The following DNER variants were observed in gnomAD, a reference collection of about 807,000 sequenced individuals.
DNER encodes the protein delta and Notch-like epidermal growth factor-related receptor.
In DNER, 33 loss-of-function variants were observed where a neutral mutation model predicts 78.2. That is an observed-to-expected ratio of 0.42 (90% CI 0.32 to 0.56). DNER has a LOEUF of 0.56. DNER is among the 20% of genes least tolerant of loss of function. The probability of loss-of-function intolerance (pLI) is 0.11; values close to 1 mark genes in which losing one functional copy is unlikely to be tolerated. For missense variants in DNER, 918 were observed against 975.3 expected (o/e 0.94, Z 0.78); for synonymous variants, 417 against 384.8 (o/e 1.08, Z -0.98).
At chr2:229,405,588 C>T (rs1693362013) in intron 10 of DNER, among the ~76,000 whole-genome samples, 1 of 146,478 alleles carries the variant, frequency 6.8e-6, no homozygotes, top group African/African-American at 2.5e-5. Context: ...AGAAGCTATT[C>T]CTTGATGTAA....
chr2:229,416,653 T>C (rs1693659051), intron 9 of DNER, among the ~76,000 whole-genome samples: 1 of 152,182 alleles, frequency 6.6e-6, no homozygotes, highest in Non-Finnish European at 1.5e-5. Flanking sequence ...CTCTATAAGC[T>C]GAAGGATTTT....
intron 4 of DNER, among the ~76,000 whole-genome samples, chr2:229,548,654 G>C (rs1356656331): frequency 6.6e-6 from 1 of 152,130 alleles, no homozygotes; most frequent in African/African-American, 2.4e-5. Flanking sequence ...GTGGTGGGTT[G>C]ATGGGTGCAG....
intron 1 of DNER, among the ~76,000 whole-genome samples, chr2:229,681,670 G>A (rs139815947): frequency 9.1e-4 from 138 of 152,126 alleles, no homozygotes; most frequent in Non-Finnish European, 1.7e-3. Context: ...ACACAACACC[G>A]CTCAAGGGGG....
rs568821530 is a variant in DNER, at chr2:229,463,157, T to C, written c.1261+13983A>G. Among the ~76,000 whole-genome samples the C allele has an allele frequency of 6.6e-5, 10 of 152,218 alleles. No homozygotes were observed. The South Asian group carries it at 2.1e-3, about 32-fold the overall frequency. ...AGGCTTCCTGGAGGAGGAACCAGGT[T>C]CTTTCCTCTCACCATTGTGCCTTGG... On this transcript the variant is annotated intron_variant, in intron 7 of 12. Transcript: ENST00000341772.
At chr2:229,442,037 TG>T (rs1694246582) in intron 8 of DNER, among the ~76,000 whole-genome samples, 1 of 152,136 alleles carries the variant, frequency 6.6e-6, no homozygotes, top group African/African-American at 2.4e-5. Context: ...TGCAGCTGGG[TG>T]ATCAGGATTC....
intron 4 of DNER, among the ~76,000 whole-genome samples, chr2:229,563,868 C>A (rs1415289438): frequency 7.0e-6 from 1 of 143,152 alleles, no homozygotes; most frequent in East Asian, 2.3e-4. Flanking sequence ...ATCCTCCTCA[C>A]CCCTTCACCA....
chr2:229,661,825 T>C (rs747774570), intron 1 of DNER, among the ~76,000 whole-genome samples: 11 of 152,140 alleles, frequency 7.2e-5, no homozygotes, highest in South Asian at 2.1e-4. Context: ...TTGAAAAAAC[T>C]GGAAGAAATG....
At chr2:229,385,030 A>C (rs1363689955) in intron 11 of DNER, among the ~76,000 whole-genome samples, 3 of 151,860 alleles carry the variant, frequency 2.0e-5, no homozygotes, top group African/African-American at 7.3e-5. Context: ...TGGCACACCG[A>C]ATCCAGTAGC....
chr2:229,710,708 T>A (rs970007119), intron 1 of DNER, among the ~76,000 whole-genome samples: 35 of 152,262 alleles, frequency 2.3e-4, no homozygotes, highest in African/African-American at 8.4e-4. Context: ...TATCAAAATG[T>A]GACCTTGGAT....
chr2:229,370,682 T>A (rs977442572), intron 11 of DNER, among the ~76,000 whole-genome samples: 1 of 152,162 alleles, frequency 6.6e-6, no homozygotes, highest in Non-Finnish European at 1.5e-5. Flanking sequence ...TCTAAAAAAT[T>A]CAGTTGCAGG....
At chr2:229,540,964 C>T (rs1696501053) in intron 5 of DNER, among the ~76,000 whole-genome samples, 1 of 152,182 alleles carries the variant, frequency 6.6e-6, no homozygotes, top group South Asian at 2.1e-4. Context: ...TAGGCCAGAG[C>T]CAATCAACAG....
intron 9 of DNER, among the ~76,000 whole-genome samples, chr2:229,409,020 C>T (rs544605507): frequency 2.6e-5 from 4 of 152,280 alleles, no homozygotes; most frequent in South Asian, 2.1e-4. Context: ...GGGACTTGAA[C>T]GAGCCTCCTC....
intron 5 of DNER, among the ~76,000 whole-genome samples, chr2:229,516,762 G>A (rs183154390): frequency 9.3e-5 from 13 of 140,460 alleles, no homozygotes; most frequent in Admixed American, 3.7e-4. Flanking sequence ...TCTAGCCTGG[G>A]TAACAGAATG....
At chr2:229,546,876 T>A in intron 5 of DNER, 71 bp downstream of exon 5, 1 of 1,591,960 alleles carries the variant, frequency 6.3e-7, no homozygotes, top group Middle Eastern at 1.7e-4. Context: ...AACACACACA[T>A]ACTTATGTAT....
intron 4 of DNER, among the ~76,000 whole-genome samples, chr2:229,572,038 TG>T (rs1490656225): frequency 6.6e-6 from 1 of 152,174 alleles, no homozygotes; most frequent in Non-Finnish European, 1.5e-5. Context: ...CACACCCCTT[TG>T]CAGTCTGGCT....
intron 1 of DNER, among the ~76,000 whole-genome samples, chr2:229,638,131 C>T (rs925516413): frequency 1.3e-5 from 2 of 152,168 alleles, no homozygotes; most frequent in African/African-American, 4.8e-5. Context: ...ATCAATTCTT[C>T]CCCAACTGAT....
At chr2:229,626,893 C>T (rs1698354670) in intron 1 of DNER, among the ~76,000 whole-genome samples, 1 of 152,212 alleles carries the variant, frequency 6.6e-6, no homozygotes, top group Non-Finnish European at 1.5e-5. Flanking sequence ...ACTCAAGTCA[C>T]CTTTAAAAAA....
intron 10 of DNER, among the ~76,000 whole-genome samples, chr2:229,394,954 T>G (rs878927912): frequency 1.3e-5 from 2 of 152,204 alleles, no homozygotes; most frequent in Admixed American, 6.5e-5. Context: ...CGATGCCACA[T>G]GAGGGACCTA....
chr2:229,708,450 AG>A (rs1246989572), intron 1 of DNER, among the ~76,000 whole-genome samples: 2 of 152,192 alleles, frequency 1.3e-5, no homozygotes, highest in African/African-American at 4.8e-5. Flanking sequence ...AAGCAGAGGA[AG>A]GGGTAAATAT....
Sources: allele counts gnomAD v4.1 joint callset (sites outside exome capture counted in the v4.1 genomes callset), GRCh38; gene constraint gnomAD v4.1.1; transcripts MANE v1.5; gene names NCBI Gene and HGNC (gene_info 2026-07-23, HGNC 2026-07-21).